Variants in GPAM observed in about 807,000 individuals in gnomAD.
The protein encoded by GPAM is glycerol-3-phosphate acyltransferase, mitochondrial, also known as glycerol-3-phosphate acyltransferase 1, mitochondrial.
GPAM carries 56 observed loss-of-function variants against 105.0 expected under a neutral mutation model. The observed-to-expected ratio is 0.53, with a 90% CI of 0.43 to 0.67. The LOEUF (loss-of-function observed/expected upper bound fraction) is 0.67, where lower values mean the gene tolerates loss of function less well. GPAM is among the 30% of genes least tolerant of loss of function. The pLI is 0.00. For synonymous variants in GPAM, 368 were observed against 354.4 expected, an observed-to-expected ratio of 1.04 and a Z score of -0.43; for missense variants, 855 against 989.8, an observed-to-expected ratio of 0.86 and a Z score of 1.83.
intron 1 of GPAM, among the ~76,000 whole-genome samples, chr10:112,214,759 A>G (rs1462179282): frequency 6.6e-6 from 1 of 152,224 alleles, no homozygotes; most frequent in East Asian, 1.9e-4. Context: ...GCCGTTTGCA[A>G]ATCAGATTTG....
Position 112,202,373 on chromosome 10 carries a change from G to T in GPAM, n.210+12795C>A, listed in dbSNP as rs139657697. On this transcript the variant is annotated intron_variant and non_coding_transcript_variant, in intron 1 of 3. Transcript: ENST00000480130. ...TCTATATATGCTATTCTAGAAAGGG[G>T]TTTAAAAATGAGGGGGTGAAGAAAA... Among the ~76,000 whole-genome samples, 1,204 of 152,006 alleles carry T rather than the reference G, an allele frequency of 7.9e-3. 13 individuals carry two copies. The highest frequency in any genetic ancestry group is 0.028 in the African/African-American group (1,143 of 41,318).
intron 12 of GPAM, among the ~76,000 whole-genome samples, chr10:112,165,024 C>T (rs1847188734): frequency 6.6e-6 from 1 of 152,038 alleles, no homozygotes; most frequent in Non-Finnish European, 1.5e-5. Context: ...CATAACAAGA[C>T]AGAGAAGCTA....
chr10:112,153,626 T>A lies in GPAM; in HGVS notation c.2411A>T (p.Glu804Val). The change falls in exon 22 of 22, where the codon GAA becomes GTA. Residue 804 changes from glutamate (E) to valine (V), a missense_variant. Glu to Val is a moderately radical substitution (Grantham distance 121, BLOSUM62 -2). Transcript: ENST00000348367. ...TTGAGGTAGAAAAGTGCTGCTCAGT[T>A]CTAAAACAGACACTCTCTTTTGTTT... ...ETKQKRVSVL[E>V]LSSTFLPQCN... 6.2e-7 allele frequency: 1 copy of A among 1,613,116 alleles called. No homozygotes were observed. The highest frequency in any genetic ancestry group is 8.5e-7 in the Non-Finnish European group (1 of 1,179,214).
intron 11 of GPAM, among the ~76,000 whole-genome samples, chr10:112,168,011 G>A (rs1400942445): frequency 3.3e-5 from 5 of 152,172 alleles, no homozygotes; most frequent in Non-Finnish European, 7.3e-5. Flanking sequence ...TTCCACAGCA[G>A]AGATGGCAAC....
At chr10:112,226,347 G>A in the GPAM span, among the ~76,000 whole-genome samples, 1 of 152,136 alleles carries the variant, frequency 6.6e-6, no homozygotes, top group East Asian at 1.9e-4. Flanking sequence ...GGAAGAAGTA[G>A]GACTTGCAGA....
chr10:112,160,292 C>T (rs1165501114), intron 16 of GPAM: 9 of 660,530 alleles, frequency 1.4e-5, no homozygotes, highest in Non-Finnish European at 3.7e-6. Flanking sequence ...TTCTCTTAAT[C>T]ACAAATGAGG....
chr10:112,220,722 C>A, the GPAM span, among the ~76,000 whole-genome samples: 5 of 151,992 alleles, frequency 3.3e-5, no homozygotes, highest in African/African-American at 1.2e-4. Flanking sequence ...TCTTTCATCC[C>A]AGAGAAGATT....
chr10:112,226,824 G>T, the GPAM span, among the ~76,000 whole-genome samples: 1 of 152,174 alleles, frequency 6.6e-6, no homozygotes, highest in Non-Finnish European at 1.5e-5. Flanking sequence ...CATTCCAGAG[G>T]CCACGAGGGG....
intron 16 of GPAM, chr10:112,160,375 T>C: frequency 1.0e-6 from 1 of 972,748 alleles, no homozygotes; most frequent in Non-Finnish European, 1.2e-6. Context: ...AGCAAGACAC[T>C]CTACCTCTCC....
upstream of GPAM, among the ~76,000 whole-genome samples, chr10:112,185,374 G>A (rs1847579915): frequency 1.3e-5 from 2 of 151,466 alleles, 1 homozygote; most frequent in South Asian, 4.2e-4. Flanking sequence ...AAATGACAGA[G>A]ATGATAAAAT....
At chr10:112,214,548 C>G (rs1479765388) in intron 1 of GPAM, among the ~76,000 whole-genome samples, 1 of 152,120 alleles carries the variant, frequency 6.6e-6, no homozygotes, top group Non-Finnish European at 1.5e-5. Flanking sequence ...AGCTATCTGC[C>G]CGATCCAAGC....
chr10:112,157,140 T>C, intron 19 of GPAM, 109 bp downstream of exon 19: 2 of 960,520 alleles, frequency 2.1e-6, no homozygotes, highest in Non-Finnish European at 3.4e-6. Context: ...CAGAGCTAGT[T>C]GGGGGATTCT....
rs534933272 is a variant in GPAM, at chr10:112,211,436, G to A, written n.210+3732C>T. On this transcript the variant is annotated intron_variant and non_coding_transcript_variant, in intron 1 of 3. Coordinates refer to the GPAM transcript ENST00000480130. ...AGCCCCAGAGAGGTGCAGGTCCATG[G>A]CCAGGGCGGCAAGTATTGAGAACTT... Among the ~76,000 whole-genome samples, 11 of 152,266 alleles carry A rather than the reference G, an allele frequency of 7.2e-5. No individual in the cohort carries two copies. In the East Asian group the frequency reaches 2.1e-3, roughly 29 times the overall value.
chr10:112,157,128 A>C, intron 19 of GPAM, 121 bp downstream of exon 19: 2 of 888,286 alleles, frequency 2.3e-6, no homozygotes, highest in Non-Finnish European at 3.8e-6. Context: ...CACAGAAGGT[A>C]CCAGAGCTAG....
chr10:112,219,077 A>C (rs1589616496), upstream of GPAM, among the ~76,000 whole-genome samples: 1 of 152,134 alleles, frequency 6.6e-6, no homozygotes, highest in South Asian at 2.1e-4. Context: ...GCCTCATTTT[A>C]CCAGCCCCTA....
chr10:112,160,528 A>G, intron 16 of GPAM, 76 bp downstream of exon 16: 1 of 1,420,530 alleles, frequency 7.0e-7, no homozygotes, highest in Non-Finnish European at 9.9e-7. Flanking sequence ...CCCAAATTAA[A>G]GCAGATACCA....
intron 20 of GPAM, 48 bp downstream of exon 20, chr10:112,155,816 C>A (rs199607862): frequency 1.8e-4 from 188 of 1,048,948 alleles, no homozygotes; most frequent in African/African-American, 8.5e-4. Context: ...TTCTGAAATC[C>A]AAAAAAAAAA....
chr10:112,223,252 C>A, the GPAM span, among the ~76,000 whole-genome samples: 1 of 152,166 alleles, frequency 6.6e-6, no homozygotes, highest in African/African-American at 2.4e-5. Context: ...CCCAATAAAT[C>A]TTTTACATAT....
At chr10:112,213,906 T>C (rs1035408282) in intron 1 of GPAM, among the ~76,000 whole-genome samples, 4 of 152,102 alleles carry the variant, frequency 2.6e-5, no homozygotes, top group African/African-American at 9.7e-5. Flanking sequence ...CAGAGAAGAA[T>C]CACATCCAAG....
Sources: allele counts gnomAD v4.1 joint callset (sites outside exome capture counted in the v4.1 genomes callset), GRCh38; gene constraint gnomAD v4.1.1; transcripts MANE v1.5; gene names NCBI Gene and HGNC (gene_info 2026-07-23, HGNC 2026-07-21).